Variants in PSD3 observed in about 807,000 individuals in gnomAD.
PSD3 encodes the protein PH and SEC7 domain-containing protein 3.
In PSD3, 49 loss-of-function variants were observed where a neutral mutation model predicts 105.5. The observed-to-expected ratio is 0.46, with a 90% CI of 0.37 to 0.59. PSD3 has a LOEUF of 0.59. Ranked by LOEUF, PSD3 falls within the 20% of genes least tolerant of loss-of-function variation. PSD3 has a pLI of 0.00. For missense variants in PSD3, 1,561 were observed against 1,263.8 expected, an observed-to-expected ratio of 1.24 and a Z score of -3.57; for synonymous variants, 557 against 457.8, an observed-to-expected ratio of 1.22 and a Z score of -2.77.
chr8:18,844,961 C>A (rs6586777), intron 4 of PSD3, among the ~76,000 whole-genome samples: 65,875 of 152,036 alleles, frequency 0.43, 14,791 homozygotes, highest in Admixed American at 0.51. Context: ...AGGCTTTGCA[C>A]TAAAATCTGG....
intron 14 of PSD3, among the ~76,000 whole-genome samples, chr8:18,568,609 A>G (rs1289601230): frequency 2.0e-5 from 3 of 151,964 alleles, no homozygotes; most frequent in Non-Finnish European, 4.4e-5. Context: ...TTTCACTACG[A>G]TCCATTTCTT....
chr8:18,940,868 C>T (rs949997623), intron 1 of PSD3, among the ~76,000 whole-genome samples: 2 of 152,144 alleles, frequency 1.3e-5, no homozygotes, highest in Non-Finnish European at 2.9e-5. Context: ...GTCAGTTCCC[C>T]AATAAAACAC....
At chr8:18,562,865 G>T (rs2634433) in intron 14 of PSD3, among the ~76,000 whole-genome samples, 9 of 151,804 alleles carry the variant, frequency 5.9e-5, no homozygotes, top group African/African-American at 2.2e-4. Context: ...CTCCAGCCTG[G>T]GCGACAGAGT....
chr8:18,958,062 G>C (rs1823688248), intron 1 of PSD3, among the ~76,000 whole-genome samples: 1 of 152,000 alleles, frequency 6.6e-6, no homozygotes, highest in Admixed American at 6.6e-5. Flanking sequence ...CAAAGAGGAA[G>C]GTACAATGAT....
chr8:18,854,816 G>A (rs1439733445), intron 4 of PSD3, among the ~76,000 whole-genome samples: 1 of 152,080 alleles, frequency 6.6e-6, no homozygotes, highest in Non-Finnish European at 1.5e-5. Context: ...TTAATCTCAT[G>A]TAATTTGTGA....
At chr8:18,568,005 G>A (rs1428645606) in intron 14 of PSD3, among the ~76,000 whole-genome samples, 1 of 152,154 alleles carries the variant, frequency 6.6e-6, no homozygotes, top group Admixed American at 6.5e-5. Context: ...GTTAAAAAGA[G>A]CCTGGCACTT....
intron 2 of PSD3, among the ~76,000 whole-genome samples, chr8:18,899,126 C>T (rs574496914): frequency 3.3e-5 from 5 of 152,232 alleles, no homozygotes; most frequent in African/African-American, 7.2e-5. Context: ...TCTAGAACTG[C>T]TTCTTCCACG....
upstream of PSD3, among the ~76,000 whole-genome samples, chr8:19,018,397 T>C (rs78920355): frequency 7.1e-3 from 1,074 of 152,004 alleles, 15 homozygotes; most frequent in African/African-American, 0.025. Flanking sequence ...CTTCCTAAGG[T>C]GATGCAGGTG....
intron 1 of PSD3, among the ~76,000 whole-genome samples, chr8:19,046,253 A>C (rs549197305): frequency 1.3e-5 from 2 of 152,226 alleles, no homozygotes; most frequent in East Asian, 3.9e-4. Flanking sequence ...CTGGGACTAC[A>C]GGCACGTGCC....
At chr8:19,016,660 T>G (rs936171475), upstream of PSD3, among the ~76,000 whole-genome samples, 10 of 152,248 alleles carry the variant, frequency 6.6e-5, no homozygotes, top group African/African-American at 1.9e-4. Flanking sequence ...TCACCTGTTT[T>G]CTGCTGCTAT....
chr8:18,626,489 C>A (rs1207962491), intron 11 of PSD3, among the ~76,000 whole-genome samples: 1 of 152,116 alleles, frequency 6.6e-6, no homozygotes, highest in Non-Finnish European at 1.5e-5. Context: ...AAATAAGTAT[C>A]TACTTTTTGT....
At chr8:18,538,118 A>G (rs1429398577) in intron 15 of PSD3, among the ~76,000 whole-genome samples, 3 of 152,380 alleles carry the variant, frequency 2.0e-5, no homozygotes, top group East Asian at 1.9e-4. Flanking sequence ...CCATGTTGAC[A>G]TGATGAGCTG....
rs903078236 is a variant in PSD3, at chr8:18,936,097, T to C, written c.67A>G (p.Ser23Gly). 6.2e-7 allele frequency: 1 copy of C among 1,613,392 alleles called. No individual in the cohort carries two copies. The highest frequency in any genetic ancestry group is 8.5e-7 in the Non-Finnish European group (1 of 1,179,844). Reference sequence around the variant, plus strand: ...AATTCATATTTGGCCTTGGCAACACTCTGGGAATGTGCAGATGCATTGTTC... The same window carrying C: ...AATTCATATTTGGCCTTGGCAACACCCTGGGAATGTGCAGATGCATTGTTC... The part of the protein sequence containing the change: ...WVNNASAHSQ[S>G]VAKAKYEFLF... The change falls in exon 2 of 16, where the codon AGT (serine) becomes GGT (glycine). Residue 23 changes from serine to glycine, a missense_variant. By Grantham distance (56) the Ser-to-Gly change is moderately conservative. Coordinates refer to ENST00000327040, the MANE Select transcript of PSD3 (RefSeq NM_015310.4).
chr8:18,918,705 G>A (rs1820791360), intron 2 of PSD3, among the ~76,000 whole-genome samples: 2 of 152,166 alleles, frequency 1.3e-5, no homozygotes, highest in Non-Finnish European at 2.9e-5. Flanking sequence ...TTCAGAAAAT[G>A]TGAATAATGT....
At chr8:18,604,983 T>C (rs543194553) in intron 11 of PSD3, among the ~76,000 whole-genome samples, 1 of 152,310 alleles carries the variant, frequency 6.6e-6, no homozygotes, top group African/African-American at 2.4e-5. Flanking sequence ...CCTGCTGCAG[T>C]GGTGGAGCCC....
intron 8 of PSD3, among the ~76,000 whole-genome samples, chr8:18,784,789 C>T (rs1221738212): frequency 1.3e-5 from 2 of 152,172 alleles, no homozygotes; most frequent in Admixed American, 1.3e-4. Flanking sequence ...GCCCACCTTC[C>T]AAGCACATAG....
intron 11 of PSD3, among the ~76,000 whole-genome samples, chr8:18,614,810 T>TG (rs34368448): frequency 0.46 from 68,835 of 149,284 alleles, 15,986 homozygotes; most frequent in Middle Eastern, 0.62. Context: ...TTTTTTGTTT[T>TG]GTTTTCATAG....
At chr8:18,850,717 G>C (rs1339940680) in intron 4 of PSD3, among the ~76,000 whole-genome samples, 1 of 152,162 alleles carries the variant, frequency 6.6e-6, no homozygotes, top group African/African-American at 2.4e-5. Flanking sequence ...AAAAGGTCTT[G>C]TAGCTCAACC....
intron 4 of PSD3, among the ~76,000 whole-genome samples, chr8:18,866,379 T>C (rs1025632073): frequency 6.6e-6 from 1 of 152,192 alleles, no homozygotes; most frequent in Non-Finnish European, 1.5e-5. Flanking sequence ...TGCACACACT[T>C]ACCCAGGCTC....
Sources: gnomAD v4.1 joint callset for allele counts (sites outside exome capture counted in the v4.1 genomes callset) on GRCh38, gnomAD v4.1.1 for gene constraint, MANE v1.5 for transcripts, NCBI Gene and HGNC (gene_info 2026-07-23, HGNC 2026-07-21) for gene names.